The following PBX1 variants were observed in gnomAD, a reference collection of about 807,000 sequenced individuals.
The protein encoded by PBX1 is PBX homeobox 1, also known as pre-B-cell leukemia transcription factor 1.
In PBX1, 6 loss-of-function variants were observed where a neutral mutation model predicts 53.4. The observed-to-expected ratio is 0.11, with a 90% CI of 0.06 to 0.22. The LOEUF is 0.22. Among genes scored for constraint, PBX1 ranks in the 10% least tolerant of loss-of-function variants. The pLI is 1.00. For missense variants in PBX1, 251 were observed against 551.4 expected, an observed-to-expected ratio of 0.46 and a Z score of 5.46; for synonymous variants, 204 against 212.3, an observed-to-expected ratio of 0.96 and a Z score of 0.34.
chr1:164,793,719 TTTG>T (rs757099732), intron 3 of PBX1, among the ~76,000 whole-genome samples: 6 of 152,156 alleles, frequency 3.9e-5, no homozygotes, highest in Non-Finnish European at 7.4e-5. Context: ...AGCAGATAAG[TTTG>T]TTGTTATCTC....
intron 2 of PBX1, among the ~76,000 whole-genome samples, chr1:164,649,848 A>G (rs1659683546): frequency 6.6e-6 from 1 of 152,200 alleles, no homozygotes. Flanking sequence ...CTAGTTAATA[A>G]AAATATAATG....
intron 1 of PBX1, among the ~76,000 whole-genome samples, chr1:164,560,731 A>C (rs1014223149): frequency 2.6e-5 from 4 of 152,074 alleles, no homozygotes; most frequent in Admixed American, 6.5e-5. Flanking sequence ...TTTTAGTTTA[A>C]CTTTATTGTC....
Position 164,683,418 on chromosome 1 carries a change from C to G in PBX1, c.266-109076C>G, listed in dbSNP as rs1017455964. Reference sequence around the variant, plus strand: ...CTTTCACTTTTATTATCTTGACTTACGCAACAAAGGAGATAAGCCAGGTAC... The same window carrying G: ...CTTTCACTTTTATTATCTTGACTTAGGCAACAAAGGAGATAAGCCAGGTAC... On this transcript the variant is annotated intron_variant, in intron 2 of 8. Coordinates refer to ENST00000420696, the MANE Select transcript of PBX1 (RefSeq NM_002585.4). 2.0e-5 allele frequency: 3 copies of G among 152,274 alleles called. No individual in the cohort carries two copies. The East Asian group carries it at 5.8e-4, about 29-fold the overall frequency. 9.4% of individuals were successfully genotyped at this position (152,274 alleles called of 1,614,324 possible).
At chr1:164,706,958 A>G (rs1663458067) in intron 2 of PBX1, among the ~76,000 whole-genome samples, 1 of 152,196 alleles carries the variant, frequency 6.6e-6, no homozygotes. Flanking sequence ...CTAAATTCCC[A>G]GGGAAGATTT....
chr1:164,792,466 A>T, intron 2 of PBX1, 28 bp from the exon 3 acceptor site: 1 of 1,612,160 alleles, frequency 6.2e-7, no homozygotes, highest in Non-Finnish European at 8.5e-7. Context: ...GTTACTATTA[A>T]CGCTCCCTTC....
At position 164,681,274 on chromosome 1, in the gene PBX1, G is replaced by A. The variant is rs992650528; in HGVS notation, c.266-111220G>A. ...CCTAAGAACTAGATAAAAGAAAGCC[G>A]ATTTTACTTTTTTCCTTTGTGCTCA... On this transcript the variant is annotated intron_variant, in intron 2 of 8. Transcript: ENST00000420696. 5.3e-5 allele frequency among the ~76,000 whole-genome samples: 8 copies of A among 152,140 alleles called. No individual in the cohort carries two copies. In the South Asian group the frequency reaches 6.2e-4, roughly 12 times the overall value.
At chr1:164,726,859 G>A (rs1039158070) in intron 2 of PBX1, among the ~76,000 whole-genome samples, 2 of 152,146 alleles carry the variant, frequency 1.3e-5, no homozygotes, top group Non-Finnish European at 2.9e-5. Flanking sequence ...AGGCGAAATG[G>A]CATTGTCAGA....
intron 2 of PBX1, among the ~76,000 whole-genome samples, chr1:164,679,061 G>A (rs1483332351): frequency 6.6e-6 from 1 of 152,142 alleles, no homozygotes; most frequent in African/African-American, 2.4e-5. Context: ...TTTCAGAAAT[G>A]AGTTTGCCAA....
intron 2 of PBX1, among the ~76,000 whole-genome samples, chr1:164,654,728 T>C (rs1338843251): frequency 6.6e-6 from 1 of 152,232 alleles, no homozygotes; most frequent in Non-Finnish European, 1.5e-5. Context: ...AACTCAGTTA[T>C]GTAGCATTTA....
intron 2 of PBX1, among the ~76,000 whole-genome samples, chr1:164,673,348 TTTC>T (rs1244377769): frequency 6.6e-6 from 1 of 152,118 alleles, no homozygotes; most frequent in Non-Finnish European, 1.5e-5. Flanking sequence ...AGAACCTGGA[TTTC>T]TCCCAAAGGA....
intron 2 of PBX1, among the ~76,000 whole-genome samples, chr1:164,612,936 A>G (rs1324878540): frequency 6.6e-6 from 1 of 152,212 alleles, no homozygotes; most frequent in Non-Finnish European, 1.5e-5. Context: ...TTGAGTATGA[A>G]GAAAAATAGA....
intron 2 of PBX1, among the ~76,000 whole-genome samples, chr1:164,716,592 C>T (rs1238913183): frequency 1.3e-5 from 2 of 151,752 alleles, no homozygotes. Flanking sequence ...TGGTGGCTCA[C>T]GCCTGTAATG....
intron 2 of PBX1, among the ~76,000 whole-genome samples, chr1:164,744,914 TTGC>T (rs1665815100): frequency 6.6e-6 from 1 of 152,054 alleles, no homozygotes; most frequent in African/African-American, 2.4e-5. Context: ...AAAGGAGGGA[TTGC>T]GTCTTGGTTG....
chr1:164,780,873 G>A (rs181733183), intron 2 of PBX1, among the ~76,000 whole-genome samples: 33 of 152,178 alleles, frequency 2.2e-4, no homozygotes, highest in Non-Finnish European at 4.6e-4. Flanking sequence ...CCAGGACACC[G>A]TTAGTATCAC....
intron 2 of PBX1, among the ~76,000 whole-genome samples, chr1:164,588,318 G>A (rs1299567023): frequency 1.3e-5 from 2 of 151,626 alleles, no homozygotes; most frequent in African/African-American, 4.8e-5. Context: ...CTTTTGCTGT[G>A]ACTTCAACTG....
At chr1:164,694,235 GTAT>G (rs1340888236) in intron 2 of PBX1, among the ~76,000 whole-genome samples, 1 of 151,996 alleles carries the variant, frequency 6.6e-6, no homozygotes, top group African/African-American at 2.4e-5. Flanking sequence ...CTTCATCTCT[GTAT>G]TCTCTTGGTT....
chr1:164,725,338 C>T (rs537539274), intron 2 of PBX1, among the ~76,000 whole-genome samples: 34 of 152,260 alleles, frequency 2.2e-4, no homozygotes, highest in African/African-American at 7.0e-4. Flanking sequence ...CCTCACATAG[C>T]GGCTTGATCT....
chr1:164,639,137 T>C (rs1658967056), intron 2 of PBX1, among the ~76,000 whole-genome samples: 1 of 152,218 alleles, frequency 6.6e-6, no homozygotes, highest in Non-Finnish European at 1.5e-5. Context: ...ATATCGGTTT[T>C]ACAGAGTGGG....
intron 2 of PBX1, among the ~76,000 whole-genome samples, chr1:164,655,245 C>G (rs1233623623): frequency 6.6e-6 from 1 of 152,022 alleles, no homozygotes; most frequent in Non-Finnish European, 1.5e-5. Flanking sequence ...TCCCAAGTAG[C>G]TGGGATTACA....
Sources: allele counts gnomAD v4.1 joint callset (sites outside exome capture counted in the v4.1 genomes callset), GRCh38; gene constraint gnomAD v4.1.1; transcripts MANE v1.5; gene names NCBI Gene and HGNC (gene_info 2026-07-23, HGNC 2026-07-21).